Variants in FBN2 observed in about 807,000 individuals in gnomAD.
FBN2 encodes fibrillin 2, also known as fibrillin-2.
FBN2 carries 105 observed loss-of-function variants against 355.6 expected under a neutral mutation model. That is an observed-to-expected ratio of 0.30 (90% CI 0.25 to 0.35). The LOEUF is 0.35. FBN2 is among the 10% of genes least tolerant of loss of function. FBN2 has a pLI of 1.00. For synonymous variants in FBN2, 1,350 were observed against 1,301.2 expected (o/e 1.04, Z -0.81); for missense variants, 3,280 against 3,758.7 (o/e 0.87, Z 3.33).
chr5:128,382,535 C>A (rs1474669344), intron 11 of FBN2, among the ~76,000 whole-genome samples: 1 of 152,052 alleles, frequency 6.6e-6, no homozygotes, highest in Non-Finnish European at 1.5e-5. Flanking sequence ...TAACTCTACC[C>A]CGGACATTCC....
chr5:128,464,807 C>A lies in FBN2; in HGVS notation c.743G>T (p.Gly248Val). 1 of 1,614,210 alleles carries A rather than the reference C, an allele frequency of 6.2e-7. No individual in the cohort carries two copies. The highest frequency in any genetic ancestry group is 8.5e-7 in the Non-Finnish European group (1 of 1,180,030). Residue 248 changes from glycine to valine, a missense_variant, in exon 6 of 65, where the codon GGC (glycine) becomes GTC (valine). By Grantham distance (109) the Gly-to-Val change is moderately radical. Coordinates refer to ENST00000262464, the MANE Select transcript of FBN2 (RefSeq NM_001999.4). The stretch of plus-strand genomic sequence containing the variant: ...GGCTGGACACATCTCACAGGGATGG[C>A]CCCACGCCCGTCCAATGGTGGCACA... ...LCCATIGRAW[G>V]HPCEMCPAQP... is the part of the protein sequence containing the mutation.
At chr5:128,533,643 A>G (rs1212665917) in intron 2 of FBN2, among the ~76,000 whole-genome samples, 2 of 152,230 alleles carry the variant, frequency 1.3e-5, no homozygotes, top group Admixed American at 1.3e-4. Context: ...AGCTCCAGAA[A>G]AACCCACAGC....
intron 5 of FBN2, among the ~76,000 whole-genome samples, chr5:128,512,341 A>G (rs1024677994): frequency 7.9e-5 from 12 of 151,854 alleles, no homozygotes; most frequent in African/African-American, 2.7e-4. Flanking sequence ...GCAAAACCCC[A>G]TCTCTATTAA....
At chr5:128,274,214 A>C (rs1765330612) in intron 60 of FBN2, among the ~76,000 whole-genome samples, 1 of 152,220 alleles carries the variant, frequency 6.6e-6, no homozygotes, top group South Asian at 2.1e-4. Flanking sequence ...AAAGTTCCTT[A>C]ACATGTGTCT....
intron 16 of FBN2, among the ~76,000 whole-genome samples, chr5:128,367,633 A>C (rs572261218): frequency 6.6e-6 from 1 of 152,196 alleles, no homozygotes; most frequent in East Asian, 1.9e-4. Flanking sequence ...TAGTGTAGGG[A>C]CCTAACTTCA....
intron 2 of FBN2, among the ~76,000 whole-genome samples, chr5:128,531,226 G>A (rs750837653): frequency 6.6e-6 from 1 of 151,948 alleles, no homozygotes; most frequent in Non-Finnish European, 1.5e-5. Flanking sequence ...ATACTATGCG[G>A]CCATAAAAAT....
intron 31 of FBN2, among the ~76,000 whole-genome samples, chr5:128,334,364 T>C (rs918602703): frequency 3.3e-5 from 5 of 152,080 alleles, no homozygotes; most frequent in Non-Finnish European, 7.4e-5. Context: ...CTCGGGTCTT[T>C]TGGTGCTCTT....
chr5:128,315,920 G>A (rs1163244181), intron 36 of FBN2, among the ~76,000 whole-genome samples: 1 of 152,178 alleles, frequency 6.6e-6, no homozygotes, highest in Non-Finnish European at 1.5e-5. Flanking sequence ...CTGAAGACAC[G>A]TAGTCTGGGA....
chr5:128,350,134 A>C, intron 21 of FBN2, 129 bp from the exon 22 acceptor site: 1 of 768,010 alleles, frequency 1.3e-6, no homozygotes, highest in Non-Finnish European at 2.3e-6. Flanking sequence ...TTAGGGTCCA[A>C]GGACATCATT....
At chr5:128,287,274 A>G (rs1007792541) in intron 54 of FBN2, 34 bp downstream of exon 54, 6 of 1,611,858 alleles carry the variant, frequency 3.7e-6, no homozygotes, top group African/African-American at 1.3e-5. Context: ...CATGACAAAT[A>G]AAGTTCGAAC....
At chr5:128,434,374 C>T (rs1406978871) in intron 7 of FBN2, among the ~76,000 whole-genome samples, 2 of 95,090 alleles carry the variant, frequency 2.1e-5, no homozygotes, top group Non-Finnish European at 3.9e-5. Context: ...TTTTTCAATG[C>T]CTGGCAGTGA....
chr5:128,398,908 G>T (rs1170742862), intron 8 of FBN2, among the ~76,000 whole-genome samples: 1 of 152,184 alleles, frequency 6.6e-6, no homozygotes. Context: ...CACCACGTGA[G>T]TCGTGCCTTT....
At chr5:128,479,962 CTCTCTCTCTCTCTCTATATA>C (rs1561477114) in intron 5 of FBN2, among the ~76,000 whole-genome samples, 5 of 37,526 alleles carry the variant, frequency 1.3e-4, no homozygotes, top group Admixed American at 4.4e-4. Context: ...CTCTCTCTCT[CTCTCTCTCTCTCTCTATATA>C]TATATATATA....
intron 7 of FBN2, among the ~76,000 whole-genome samples, chr5:128,409,240 C>A (rs1753007283): frequency 6.6e-6 from 1 of 151,942 alleles, no homozygotes; most frequent in Non-Finnish European, 1.5e-5. Flanking sequence ...TGGCAAATAA[C>A]TTTTTTTTAA....
intron 5 of FBN2, among the ~76,000 whole-genome samples, chr5:128,478,904 A>G (rs988021157): frequency 3.9e-5 from 6 of 152,214 alleles, no homozygotes; most frequent in African/African-American, 1.4e-4. Context: ...TTTGCTCATA[A>G]AATAGTTTTA....
intron 6 of FBN2, among the ~76,000 whole-genome samples, chr5:128,447,171 A>AT (rs1754088721): frequency 6.6e-6 from 1 of 152,154 alleles, no homozygotes; most frequent in Admixed American, 6.5e-5. Context: ...TGTTTAAACG[A>AT]TATGAAATCT....
chr5:128,338,663 TA>T (rs1750910338), intron 26 of FBN2, among the ~76,000 whole-genome samples: 1 of 152,226 alleles, frequency 6.6e-6, no homozygotes, highest in Admixed American at 6.5e-5. Flanking sequence ...TAGTCCCACC[TA>T]AATAAACAGT....
chr5:128,438,675 A>G (rs1417191545), intron 7 of FBN2, among the ~76,000 whole-genome samples: 2 of 152,150 alleles, frequency 1.3e-5, no homozygotes, highest in African/African-American at 4.8e-5. Context: ...AGGCTCTAAC[A>G]GCTTTGTATA....
At chr5:128,431,930 C>T (rs928788576) in intron 7 of FBN2, among the ~76,000 whole-genome samples, 3 of 152,260 alleles carry the variant, frequency 2.0e-5, no homozygotes, top group Non-Finnish European at 4.4e-5. Context: ...TTCTGGAATT[C>T]ACCATTAAGA....
Sources: gnomAD v4.1 joint callset for allele counts (sites outside exome capture counted in the v4.1 genomes callset) on GRCh38, gnomAD v4.1.1 for gene constraint, MANE v1.5 for transcripts, NCBI Gene and HGNC (gene_info 2026-07-23, HGNC 2026-07-21) for gene names.